The following CRISP2 variants were observed in gnomAD, a reference collection of about 807,000 sequenced individuals.
CRISP2 encodes the protein cysteine rich secretory protein 2, also known as cysteine-rich secretory protein 2.
In CRISP2, 29 loss-of-function variants were observed where a neutral mutation model predicts 31.7. The ratio of observed to expected loss-of-function variants is 0.92; its 90% confidence interval spans 0.68 to 1.25. The LOEUF (loss-of-function observed/expected upper bound fraction) is 1.25. CRISP2 is among the 50% of genes most tolerant of loss of function. The pLI is 0.00. For missense variants in CRISP2, 318 were observed against 286.5 expected, an observed-to-expected ratio of 1.11 and a Z score of -0.79; for synonymous variants, 111 against 101.4, an observed-to-expected ratio of 1.09 and a Z score of -0.57.
Position 49,701,525 on chromosome 6 carries a change from TACACAC to T in CRISP2, c.67-747_67-742del, listed in dbSNP as rs1214427161. Among the ~76,000 whole-genome samples the T allele has an allele frequency of 4.3e-3, 352 of 81,088 alleles. 20 individuals are homozygous for T. Among genetic ancestry groups the T allele is most frequent in the African/African-American group, 0.019 (344 of 18,256 alleles). The allele number at this position is 81,088 out of a possible 152,430, so 53.2% of individuals were successfully genotyped here. On this transcript the variant is annotated intron_variant, in intron 4 of 9. Coordinates refer to ENST00000339139, the MANE Select transcript of CRISP2 (RefSeq NM_003296.4). Reference sequence around the variant, plus strand: ...GTATATATATATATATATATATATATACACACACACACACACACAGTATATATATAT... The same window carrying T: ...GTATATATATATATATATATATATATACACACACACACAGTATATATATAT...
At position 49,699,897 on chromosome 6, in the gene CRISP2, C is replaced by T. The variant is rs73437864; in HGVS notation, c.184-6G>A. 10,637 of 1,611,144 alleles carry T rather than the reference C, an allele frequency of 6.6e-3. 613 individuals carry two copies. The African/African-American group carries it at 0.12, about 18-fold the overall frequency. On this transcript the variant is annotated splice_polypyrimidine_tract_variant and splice_region_variant and intron_variant, in intron 5 of 9. Transcript: ENST00000339139. ...GTTACCTCTCTGCTCCATTCCTAAA[C>T]GTCACAAGAAAACAAAATACACTTA...
the CRISP2 span, among the ~76,000 whole-genome samples, chr6:49,684,739 A>T: frequency 6.6e-6 from 1 of 152,168 alleles, no homozygotes; most frequent in Non-Finnish European, 1.5e-5. Context: ...TCTCAATACC[A>T]TGGGGTTTAA....
rs772726407 is a variant in CRISP2 at position 49,692,875 on chromosome 6, G to A, written c.630C>T (p.Leu210=). ...LCTNSCQYQD[L]LSNCDSLKNT... ...TCTTCAAGGAATCACAGTTACTTAG[G>A]AGATCTTGATACTGGCAACTATTGG... The change falls in exon 10 of 10, where the codon CTC becomes CTT. Residue 210 remains leucine, a synonymous_variant. Transcript: ENST00000339139. 1.2e-6 allele frequency: 2 copies of A among 1,613,672 alleles called. No individual in the cohort carries two copies. Among genetic ancestry groups the A allele is most frequent in the South Asian group, 1.1e-5 (1 of 91,048 alleles).
At chr6:49,683,267 A>G in the CRISP2 span, among the ~76,000 whole-genome samples, 1 of 152,048 alleles carries the variant, frequency 6.6e-6, no homozygotes, top group Non-Finnish European at 1.5e-5. Flanking sequence ...ATTTCTAAAC[A>G]TGTGTATACC....
At chr6:49,679,446 G>GT in the CRISP2 span, among the ~76,000 whole-genome samples, 3 of 152,058 alleles carry the variant, frequency 2.0e-5, no homozygotes, top group Admixed American at 2.0e-4. Flanking sequence ...TAAAAATGTT[G>GT]TTTTTTGAAC....
In CRISP2 at chr6:49,692,890, G is replaced by T; in HGVS notation, c.615C>A (p.Cys205Ter). 1.2e-6 allele frequency: 2 copies of T among 1,613,258 alleles called. No individual in the cohort carries two copies. The highest frequency in any genetic ancestry group is 1.7e-6 in the Non-Finnish European group (2 of 1,179,446). Residue 205 changes from cysteine to a stop codon, truncating the protein, a stop_gained, in exon 10 of 10, where the codon TGC (cysteine) becomes TGA (stop). Coordinates refer to ENST00000339139, the MANE Select transcript of CRISP2 (RefSeq NM_003296.4). LOFTEE classifies it low-confidence loss of function (END_TRUNC). ...DCDKGLCTNS[C>*]QYQDLLSNCD... Reference sequence around the variant, plus strand: ...AGTTACTTAGGAGATCTTGATACTGGCAACTATTGGCTGTAACAAAAACAG... The same window carrying T: ...AGTTACTTAGGAGATCTTGATACTGTCAACTATTGGCTGTAACAAAAACAG...
intron 3 of CRISP2, among the ~76,000 whole-genome samples, chr6:49,710,090 T>C (rs1317253120): frequency 6.6e-6 from 1 of 152,232 alleles, no homozygotes; most frequent in African/African-American, 2.4e-5. Context: ...TGTGTGAGAC[T>C]GTCACTCCCA....
chr6:49,686,504 T>A, the CRISP2 span, among the ~76,000 whole-genome samples: 3 of 152,150 alleles, frequency 2.0e-5, no homozygotes, highest in African/African-American at 7.2e-5. Flanking sequence ...CACAATGAGA[T>A]ACCATCTCAC....
chr6:49,699,483 A>G (rs1200606495), intron 6 of CRISP2, among the ~76,000 whole-genome samples: 1 of 152,036 alleles, frequency 6.6e-6, no homozygotes, highest in Non-Finnish European at 1.5e-5. Context: ...ACTGTTTCAG[A>G]TTATGTTCTT....
intron 4 of CRISP2, among the ~76,000 whole-genome samples, chr6:49,707,405 G>C (rs1256405549): frequency 6.6e-6 from 1 of 152,162 alleles, no homozygotes; most frequent in South Asian, 2.1e-4. Flanking sequence ...GAAAACATCA[G>C]AAAATCATAC....
At chr6:49,682,632 TTTCTTTC>T in the CRISP2 span, among the ~76,000 whole-genome samples, 7 of 70,486 alleles carry the variant, frequency 9.9e-5, 1 homozygote, top group African/African-American at 4.7e-4. Context: ...TCTTTCTTTC[TTTCTTTC>T]TTTCTTCTTT....
the CRISP2 span, among the ~76,000 whole-genome samples, chr6:49,682,579 TTCTTTCTTTTTCTTTCTTTC>T: frequency 1.2e-5 from 1 of 85,734 alleles, no homozygotes. Context: ...TTCTTTTTCT[TTCTTTCTTTTTCTTTCTTTC>T]TTTCTTTCTT....
the CRISP2 span, among the ~76,000 whole-genome samples, chr6:49,686,961 C>A: frequency 3.5e-3 from 538 of 152,018 alleles, 4 homozygotes; most frequent in African/African-American, 0.012. Flanking sequence ...GGACAAAAAA[C>A]CAAACACCGT....
the CRISP2 span, among the ~76,000 whole-genome samples, chr6:49,682,768 C>A: frequency 6.9e-6 from 1 of 145,338 alleles, no homozygotes; most frequent in African/African-American, 2.6e-5. Context: ...CTTCCTTCCT[C>A]CCTCCCTTCC....
chr6:49,679,230 T>C, the CRISP2 span, among the ~76,000 whole-genome samples: 1 of 152,154 alleles, frequency 6.6e-6, no homozygotes, highest in Non-Finnish European at 1.5e-5. Context: ...GCACCAAGTA[T>C]TGCTCAACTT....
chr6:49,702,351 G>A (rs894960403), intron 4 of CRISP2, among the ~76,000 whole-genome samples: 1 of 150,608 alleles, frequency 6.6e-6, no homozygotes, highest in Non-Finnish European at 1.5e-5. Flanking sequence ...GGATCAAATG[G>A]TAGATTTACA....
In CRISP2 at chr6:49,709,158, C is replaced by A. The variant is rs1767569209; in HGVS notation, c.39G>T (p.Leu13=). 1 of 1,613,694 alleles carries A rather than the reference C, an allele frequency of 6.2e-7. No individual in the cohort carries two copies. Among genetic ancestry groups the A allele is most frequent in the African/African-American group, 1.3e-5 (1 of 75,014 alleles). The change falls in exon 4 of 10, where the codon CTG becomes CTT. Residue 13 remains leucine (L), a synonymous_variant. Transcript: ENST00000339139. ...LLPVLFLVTV[L]LPSLPAEGKD... is the part of the protein sequence containing the mutation. ...TTCCTTCTGCAGGTAAAGATGGAAG[C>A]AGCACAGTAACCAGAAACAACACCG...
chr6:49,699,666 A>T, intron 6 of CRISP2, 138 bp downstream of exon 6: 1 of 622,384 alleles, frequency 1.6e-6, no homozygotes, highest in Non-Finnish European at 2.8e-6. Context: ...CCCTCTGTAT[A>T]CAGATACTTT....
chr6:49,682,607 CT>C, the CRISP2 span, among the ~76,000 whole-genome samples: 29 of 65,172 alleles, frequency 4.4e-4, no homozygotes, highest in African/African-American at 1.0e-3. Context: ...TTCTTTCTTT[CT>C]TTCTTTCTTT....
Sources: gnomAD v4.1 joint callset for allele counts (sites outside exome capture counted in the v4.1 genomes callset) on GRCh38, gnomAD v4.1.1 for gene constraint, MANE v1.5 for transcripts, NCBI Gene and HGNC (gene_info 2026-07-23, HGNC 2026-07-21) for gene names.